EPHA4: variants seen among roughly 807,000 people sequenced by gnomAD.
The protein encoded by EPHA4 is ephrin type-A receptor 4.
EPHA4 carries 19 observed loss-of-function variants against 108.3 expected under a neutral mutation model. That is an observed-to-expected ratio of 0.18 (90% CI 0.12 to 0.26). EPHA4 has a LOEUF of 0.26. Among genes scored for constraint, EPHA4 ranks in the 10% least tolerant of loss-of-function variants. EPHA4 has a pLI of 1.00. For synonymous variants in EPHA4, 449 were observed against 455.5 expected (o/e 0.99, Z 0.18); for missense variants, 917 against 1,254.0 (o/e 0.73, Z 4.06).
chr2:221,482,401 G>T lies in EPHA4; in HGVS notation c.1269C>A (p.Asn423Lys), dbSNP rs752325084. ...CAGAAACTGATTGGTCTGGGTTAGG[G>T]TTATATTTGGACACTCCATTCACAG... The part of the protein sequence containing the change: ...IWAVNGVSKY[N>K]PNPDQSVSVT... Residue 423 changes from asparagine to lysine, a missense_variant, in exon 5 of 18, where the codon AAC (asparagine) becomes AAA (lysine). Asn to Lys is a moderately conservative substitution (Grantham distance 94, BLOSUM62 0). Around this residue, in one of 3 missense-constraint regions of EPHA4, gnomAD observed 758 missense variants for 1,076.7 expected, o/e 0.70. Transcript: ENST00000281821. 62 of 1,613,942 alleles carry T rather than the reference G, an allele frequency of 3.8e-5. No individual in the cohort carries two copies. The Middle Eastern group carries it at 9.9e-4, about 26-fold the overall frequency.
chr2:221,514,095 A>C (rs1529572), intron 3 of EPHA4, among the ~76,000 whole-genome samples: 6 of 103,580 alleles, frequency 5.8e-5, no homozygotes, highest in East Asian at 2.5e-4. Context: ...AGCCGGGGGG[A>C]GGGGGTTTGA....
intron 5 of EPHA4, among the ~76,000 whole-genome samples, chr2:221,471,222 T>G (rs1036226671): frequency 6.6e-6 from 1 of 152,118 alleles, no homozygotes; most frequent in Non-Finnish European, 1.5e-5. Context: ...TTAGGACTTG[T>G]TTTTTGTTTT....
intron 4 of EPHA4, 43 bp from the exon 5 acceptor site, chr2:221,482,733 C>T (rs2106141687): frequency 6.6e-7 from 1 of 1,505,404 alleles, no homozygotes; most frequent in Non-Finnish European, 9.0e-7. Flanking sequence ...AACCGAAATA[C>T]CCTTTTGGAA....
At position 221,471,196 on chromosome 2, in the gene EPHA4, G is replaced by A. The variant is rs147743193; in HGVS notation, c.1318+11156C>T. ...TAAGAAATAATAAAGAATGTATTACGAAAGCTATTACTGTTTTAGGACTTG... is the reference window on the plus strand; with the variant it reads ...TAAGAAATAATAAAGAATGTATTACAAAAGCTATTACTGTTTTAGGACTTG... On this transcript the variant is annotated intron_variant, in intron 5 of 17. Coordinates refer to ENST00000281821, the MANE Select transcript of EPHA4 (RefSeq NM_004438.5). 3.8e-4 allele frequency among the ~76,000 whole-genome samples: 58 copies of A among 152,140 alleles called. No homozygotes were observed. In the East Asian group the frequency reaches 8.5e-3, roughly 22 times the overall value.
chr2:221,418,900 C>T lies in EPHA4; in HGVS notation c.*2472G>A, dbSNP rs565637021. ...TTCAGGCATCAATGCATAGGCACAT[C>T]CCTTAAAAAATATATTAAGGTCCCC... On this transcript the variant is annotated 3_prime_UTR_variant, in exon 18 of 18. Coordinates refer to ENST00000281821, the MANE Select transcript of EPHA4 (RefSeq NM_004438.5). The T allele has an allele frequency of 2.2e-3, 329 of 152,732 alleles. No individual in the cohort carries two copies. Among genetic ancestry groups the T allele is most frequent in the Non-Finnish European group, 3.8e-3 (260 of 68,034 alleles). 9.5% of individuals were successfully genotyped at this position (152,732 alleles called of 1,614,324 possible).
intron 3 of EPHA4, among the ~76,000 whole-genome samples, chr2:221,561,448 C>CA (rs1310596722): frequency 1.3e-5 from 2 of 151,742 alleles, no homozygotes; most frequent in African/African-American, 4.8e-5. Context: ...ATAACAAAAA[C>CA]AAAAAACAAA....
intron 15 of EPHA4, among the ~76,000 whole-genome samples, chr2:221,429,231 A>G (rs1389167059): frequency 6.6e-6 from 1 of 152,188 alleles, no homozygotes; most frequent in African/African-American, 2.4e-5. Flanking sequence ...GTCTTATACC[A>G]GTAAAGTCCA....
At chr2:221,540,352 T>C (rs1339717657) in intron 3 of EPHA4, among the ~76,000 whole-genome samples, 2 of 152,186 alleles carry the variant, frequency 1.3e-5, no homozygotes, top group Non-Finnish European at 1.5e-5. Context: ...CTGCAGCCAG[T>C]GAATCAAAGC....
At chr2:221,562,182 G>C (rs1198220349) in intron 3 of EPHA4, among the ~76,000 whole-genome samples, 1 of 148,024 alleles carries the variant, frequency 6.8e-6, no homozygotes, top group African/African-American at 2.5e-5. Context: ...ATTCCAACTT[G>C]TAAACTTTTA....
intron 3 of EPHA4, among the ~76,000 whole-genome samples, chr2:221,523,809 C>A (rs970697281): frequency 1.6e-4 from 24 of 151,324 alleles, no homozygotes; most frequent in Non-Finnish European, 3.4e-4. Flanking sequence ...GTTGGTCAGG[C>A]TGGTCTCAAA....
intron 3 of EPHA4, among the ~76,000 whole-genome samples, chr2:221,529,106 G>A (rs1285207445): frequency 6.6e-6 from 1 of 152,150 alleles, no homozygotes; most frequent in African/African-American, 2.4e-5. Context: ...AGAGGATTGT[G>A]CATGGTTTCC....
chr2:221,495,615 C>T (rs1156243302), intron 4 of EPHA4, among the ~76,000 whole-genome samples: 1 of 152,158 alleles, frequency 6.6e-6, no homozygotes. Flanking sequence ...TCACAGGCAG[C>T]CATTTATGTT....
At chr2:221,429,927 C>T (rs776407691) in intron 15 of EPHA4, 31 bp downstream of exon 15, 12 of 1,610,362 alleles carry the variant, frequency 7.5e-6, no homozygotes, top group East Asian at 6.7e-5. Context: ...TGTGTTCTTT[C>T]ATACATCACT....
At chr2:221,441,753 G>T (rs1690437303) in intron 11 of EPHA4, among the ~76,000 whole-genome samples, 1 of 152,118 alleles carries the variant, frequency 6.6e-6, no homozygotes, top group Non-Finnish European at 1.5e-5. Flanking sequence ...CCTCCTACAA[G>T]AAGTTTGAGC....
In EPHA4 at chr2:221,479,237, C is replaced by A. The variant is rs189866987; in HGVS notation, c.1318+3115G>T. 1.0e-3 allele frequency among the ~76,000 whole-genome samples: 152 copies of A among 152,328 alleles called. 1 individual carries two copies. The South Asian group carries it at 0.017, about 17-fold the overall frequency. On this transcript the variant is annotated intron_variant, in intron 5 of 17. Transcript: ENST00000281821. The stretch of plus-strand genomic sequence containing the variant: ...ACTTTCAGGAGTAGGATTCTCCCTG[C>A]TTTTTAGTACTGGCTCTGACATTAG...
At chr2:221,509,427 A>G (rs1692758262) in intron 3 of EPHA4, among the ~76,000 whole-genome samples, 1 of 152,244 alleles carries the variant, frequency 6.6e-6, no homozygotes, top group South Asian at 2.1e-4. Flanking sequence ...ACATGATTGC[A>G]TCACCAGAAA....
chr2:221,473,552 G>A (rs986310613), intron 5 of EPHA4, among the ~76,000 whole-genome samples: 277 of 109,574 alleles, frequency 2.5e-3, no homozygotes, highest in Middle Eastern at 5.6e-3. Flanking sequence ...GTGTTTAAAG[G>A]AAAAAAAAAA....
chr2:221,498,079 T>A (rs906106386), intron 4 of EPHA4, among the ~76,000 whole-genome samples: 1 of 152,146 alleles, frequency 6.6e-6, no homozygotes, highest in African/African-American at 2.4e-5. Context: ...AACACAGACA[T>A]ATGGCCATCT....
Position 221,572,125 on chromosome 2 carries a change from T to A in EPHA4, c.91+33A>T, listed in dbSNP as rs1242179693. Reference sequence around the variant, plus strand: ...CCTCACCCGCGATGGCCCCTCGCTGTCCCCGACCACAGAAAGGCCGTCCCG... The same window carrying A: ...CCTCACCCGCGATGGCCCCTCGCTGACCCCGACCACAGAAAGGCCGTCCCG... On this transcript the variant is annotated intron_variant, in intron 1 of 17. Transcript: ENST00000281821. 4 of 1,589,500 alleles carry A rather than the reference T, an allele frequency of 2.5e-6. No homozygotes were observed. The South Asian group carries it at 4.4e-5, about 18-fold the overall frequency.
Sources: gnomAD v4.1 joint callset for allele counts (sites outside exome capture counted in the v4.1 genomes callset) on GRCh38, gnomAD v4.1.1 for gene constraint, gnomAD v4.1.1 regional missense constraint, MANE v1.5 for transcripts, NCBI Gene and HGNC (gene_info 2026-07-23, HGNC 2026-07-21) for gene names.